TMEM43: variants seen among roughly 807,000 people sequenced by gnomAD.
The protein encoded by TMEM43 is arrhythmogenic right ventricular dysplasia 5.
In TMEM43, 45 loss-of-function variants were observed where a neutral mutation model predicts 49.6. The observed-to-expected ratio is 0.91, with a 90% CI of 0.71 to 1.16. TMEM43 has a LOEUF of 1.16. Among genes scored for constraint, TMEM43 ranks in the 50% most tolerant of loss-of-function variants. TMEM43 has a pLI of 0.00. For missense variants in TMEM43, 532 were observed against 516.6 expected (o/e 1.03, Z -0.29); for synonymous variants, 199 against 207.8 (o/e 0.96, Z 0.36).
At chr3:14,132,009 G>C (rs1441909078) in intron 4 of TMEM43, among the ~76,000 whole-genome samples, 1 of 152,124 alleles carries the variant, frequency 6.6e-6, no homozygotes, top group African/African-American at 2.4e-5. Context: ...GCATCTCTCT[G>C]TGTTCAGCCT....
At chr3:14,129,974 A>T (rs1294992469) in intron 2 of TMEM43, among the ~76,000 whole-genome samples, 1 of 152,090 alleles carries the variant, frequency 6.6e-6, no homozygotes, top group Non-Finnish European at 1.5e-5. Flanking sequence ...GAGAAAAACC[A>T]TCTGTTTCTC....
chr3:14,129,285 T>G, intron 1 of TMEM43, 127 bp from the exon 2 acceptor site: 2 of 770,182 alleles, frequency 2.6e-6, no homozygotes, highest in East Asian at 3.0e-5. Flanking sequence ...ATCTGTGTGT[T>G]TTTACCACAT....
chr3:14,136,519 G>A (rs1007335963), intron 10 of TMEM43, among the ~76,000 whole-genome samples: 7 of 152,208 alleles, frequency 4.6e-5, no homozygotes, highest in Non-Finnish European at 1.5e-5. Context: ...TAGAACATCC[G>A]TTTCTGCAGT....
chr3:14,143,335 T>C lies in TMEM43; in HGVS notation c.*1540T>C, dbSNP rs1553603787. ...CTCTATTGGCCTGGGGTGCCTGTGC[T>C]ATAAATGAGTTTCTTCACATGAAAA... is the stretch of plus-strand genomic sequence containing the variant. On this transcript the variant is annotated 3_prime_UTR_variant, in exon 12 of 12. Coordinates refer to ENST00000306077, the MANE Select transcript of TMEM43 (RefSeq NM_024334.3). The C allele has an allele frequency of 6.6e-6, 1 of 152,246 alleles. No homozygotes were observed. The highest frequency in any genetic ancestry group is 1.5e-5 in the Non-Finnish European group (1 of 68,046). The allele number at this position is 152,246 out of a possible 1,614,324, so 9.4% of individuals were successfully genotyped here.
intron 4 of TMEM43, among the ~76,000 whole-genome samples, chr3:14,132,220 C>A (rs1374495171): frequency 2.0e-5 from 3 of 152,150 alleles, no homozygotes; most frequent in African/African-American, 7.2e-5. Flanking sequence ...TTCAAGAGGC[C>A]CCCCGCAGGG....
chr3:14,131,097 G>GGTAAA, intron 3 of TMEM43, 141 bp downstream of exon 3: 3 of 1,067,570 alleles, frequency 2.8e-6, no homozygotes, highest in Non-Finnish European at 4.0e-6. Context: ...GCAGCTGTGT[G>GGTAAA]GACTTGTCTA....
chr3:14,142,000 T>G lies in TMEM43; in HGVS notation c.*205T>G. ...TCTTCCCCACATCTCTTCTTGCCAG[T>G]AAGCAGCTTTGGTGGGCAGCAGCAG... is the stretch of plus-strand genomic sequence containing the variant. On this transcript the variant is annotated 3_prime_UTR_variant, in exon 12 of 12. Transcript: ENST00000306077. 1 of 598,444 alleles carries G rather than the reference T, an allele frequency of 1.7e-6. No individual in the cohort carries two copies. Among genetic ancestry groups the G allele is most frequent in the Non-Finnish European group, 3.0e-6 (1 of 338,328 alleles). 37.1% of individuals were successfully genotyped at this position (598,444 alleles called of 1,614,324 possible).
At position 14,135,795 on chromosome 3, in the gene TMEM43, T is replaced by A; in HGVS notation, c.781-12T>A. 1 of 1,611,604 alleles carries A rather than the reference T, an allele frequency of 6.2e-7. No homozygotes were observed. Among genetic ancestry groups the A allele is most frequent in the Non-Finnish European group, 8.5e-7 (1 of 1,179,226 alleles). On this transcript the variant is annotated splice_polypyrimidine_tract_variant and intron_variant, in intron 9 of 11. Transcript: ENST00000306077. The stretch of plus-strand genomic sequence containing the variant: ...GTCACCCCTCAGCTCTAACACCAGG[T>A]CCTCTGACCAGGTCACTGTGATTGC...
chr3:14,133,955 A>C, intron 7 of TMEM43, 146 bp downstream of exon 7: 1 of 802,924 alleles, frequency 1.2e-6, no homozygotes, highest in Non-Finnish European at 2.2e-6. Context: ...GGGCCAGGGG[A>C]AGGCGAATCC....
intron 10 of TMEM43, chr3:14,137,846 A>G (rs1448352324): frequency 6.6e-6 from 1 of 152,240 alleles, no homozygotes; most frequent in Admixed American, 6.5e-5. Flanking sequence ...ATTGAACACC[A>G]GGTACTTCAC....
At chr3:14,131,267 G>A (rs979392092) in intron 3 of TMEM43, among the ~76,000 whole-genome samples, 2 of 152,248 alleles carry the variant, frequency 1.3e-5, no homozygotes, top group Non-Finnish European at 2.9e-5. Context: ...TGTGTGTCCA[G>A]TGCAAGGCCA....
In TMEM43 at chr3:14,125,184, G is replaced by T; in HGVS notation, c.-10G>T. The T allele has an allele frequency of 6.2e-7, 1 of 1,610,452 alleles. No homozygotes were observed. On this transcript the variant is annotated 5_prime_UTR_variant, in exon 1 of 12. Coordinates refer to ENST00000306077, the MANE Select transcript of TMEM43 (RefSeq NM_024334.3). ...CAGCGCGAGGCGGCGGCAGCGAGCCGGGTCCCACCATGGCCGCGAATGTGA... is the reference window on the plus strand; with the variant it reads ...CAGCGCGAGGCGGCGGCAGCGAGCCTGGTCCCACCATGGCCGCGAATGTGA...
At chr3:14,131,071 C>T (rs1695089260) in intron 3 of TMEM43, 115 bp downstream of exon 3, 2 of 1,326,874 alleles carry the variant, frequency 1.5e-6, no homozygotes, top group Admixed American at 4.4e-5. Context: ...GGAGTGATTC[C>T]CGACTTTACC....
chr3:14,131,044 G>A (rs571759152), intron 3 of TMEM43, 88 bp downstream of exon 3: 3 of 1,517,318 alleles, frequency 2.0e-6, no homozygotes, highest in Admixed American at 3.7e-5. Context: ...CATGGGCCTT[G>A]GAGATGGTCA....
In TMEM43 at chr3:14,131,755, A is replaced by G. The variant is rs901535861; in HGVS notation, c.392+81A>G. ...TCAGGATAACATGCAGATGTCTTTC[A>G]TTTTGATACCTTTGAAACTCAAGTA... On this transcript the variant is annotated intron_variant, in intron 4 of 11. Transcript: ENST00000306077. The G allele has an allele frequency of 4.0e-6, 4 of 1,007,346 alleles. No individual in the cohort carries two copies. The East Asian group carries it at 7.5e-5, about 19-fold the overall frequency. The allele number at this position is 1,007,346 out of a possible 1,614,324, so 62.4% of individuals were successfully genotyped here.
rs370539390 is a variant in TMEM43, at chr3:14,132,820, G to A, written c.443-46G>A. 1.8e-5 allele frequency: 29 copies of A among 1,587,944 alleles called. No homozygotes were observed. In the African/African-American group the frequency reaches 2.3e-4, roughly 13 times the overall value. ...AGCTGGGCTGGTGGGTCTCAGCCGC[G>A]TGCCACTCCTACCCGGGCTCTGAGT... On this transcript the variant is annotated intron_variant, in intron 5 of 11. Coordinates refer to ENST00000306077, the MANE Select transcript of TMEM43 (RefSeq NM_024334.3).
rs371236613 is a variant in TMEM43 at position 14,129,420 on chromosome 3, T to C, written c.21T>C (p.Ser7=). 12 of 1,613,242 alleles carry C rather than the reference T, an allele frequency of 7.4e-6. No individual in the cohort carries two copies. The South Asian group carries it at 1.3e-4, about 18-fold the overall frequency. ...TGTTTCTTTTTCTTCAGTATTCCAG[T>C]ACCAGTACCCGGAGAGAACATGTCA... MAANYS[S]TSTRREHVKV... Residue 7 remains serine (S), a synonymous_variant, in exon 2 of 12, where the codon AGT becomes AGC. Coordinates refer to ENST00000306077, the MANE Select transcript of TMEM43 (RefSeq NM_024334.3).
In TMEM43 at chr3:14,135,889, A is replaced by G. The variant is rs1343724887; in HGVS notation, c.863A>G (p.His288Arg). The G allele has an allele frequency of 1.9e-6, 3 of 1,614,030 alleles. No individual in the cohort carries two copies. Among genetic ancestry groups the G allele is most frequent in the African/African-American group, 2.7e-5 (2 of 74,940 alleles). ...KSGDTLLLLHHGDFSAEEVFH... is the reference protein window; with the variant it reads ...KSGDTLLLLHRGDFSAEEVFH... Reference sequence around the variant, plus strand: ...GGGGATACCTTACTGCTCCTGCACCACGGGGACTTCTCAGCAGAGGTGAGT... The same window carrying G: ...GGGGATACCTTACTGCTCCTGCACCGCGGGGACTTCTCAGCAGAGGTGAGT... The change falls in exon 10 of 12, where the codon CAC (histidine) becomes CGC (arginine). Residue 288 changes from histidine (H) to arginine (R), a missense_variant. His to Arg is a conservative substitution (Grantham distance 29). Coordinates refer to ENST00000306077, the MANE Select transcript of TMEM43 (RefSeq NM_024334.3).
At chr3:14,129,202 T>C (rs1695059150) in intron 1 of TMEM43, 1 of 484,600 alleles carries the variant, frequency 2.1e-6, no homozygotes, top group Non-Finnish European at 3.6e-6. Flanking sequence ...GATGGAAATA[T>C]TTTGTACCTT....
Sources: gnomAD v4.1 joint callset for allele counts (sites outside exome capture counted in the v4.1 genomes callset) on GRCh38, gnomAD v4.1.1 for gene constraint, MANE v1.5 for transcripts, NCBI Gene and HGNC (gene_info 2026-07-23, HGNC 2026-07-21) for gene names.